DMD: variants seen among roughly 807,000 people sequenced by gnomAD.
The protein encoded by DMD is mutant dystrophin.
DMD carries 63 observed loss-of-function variants against 330.1 expected under a neutral mutation model. That is an observed-to-expected ratio of 0.19 (90% CI 0.16 to 0.24). DMD has a LOEUF of 0.24. Ranked by LOEUF, DMD falls within the 10% of genes least tolerant of loss-of-function variation. The pLI is 1.00. For synonymous variants in DMD, 1,223 were observed against 959.8 expected (o/e 1.27, Z -5.07); for missense variants, 3,344 against 2,684.1 (o/e 1.25, Z -5.43).
chrX:32,139,452 C>T (rs2096742653), intron 44 of DMD, among the ~76,000 whole-genome samples: 1 of 112,257 alleles, frequency 8.9e-6, no homozygotes, highest in South Asian at 3.7e-4. Context: ...TGGCTTTTGA[C>T]ACATTTGTCA....
At chrX:31,386,845 C>T (rs2060469430) in intron 60 of DMD, among the ~76,000 whole-genome samples, 3 of 111,696 alleles carry the variant, frequency 2.7e-5, no homozygotes, top group African/African-American at 9.8e-5. Flanking sequence ...TAATAGGCTT[C>T]ATTCTAGACA....
At chrX:31,951,787 T>G (rs1293463192) in intron 45 of DMD, among the ~76,000 whole-genome samples, 1 of 111,637 alleles carries the variant, frequency 9.0e-6, no homozygotes. Flanking sequence ...ATCTACATAT[T>G]TATCAGTTCT....
intron 1 of DMD, among the ~76,000 whole-genome samples, chrX:33,109,653 G>A (rs1410577521): frequency 8.9e-6 from 1 of 111,740 alleles, no homozygotes; most frequent in Non-Finnish European, 1.9e-5. Context: ...TGGCCCACAG[G>A]CCAGACAAGT....
chrX:32,610,173 G>A (rs1025165456), intron 12 of DMD, among the ~76,000 whole-genome samples: 3 of 110,678 alleles, frequency 2.7e-5, no homozygotes, highest in African/African-American at 9.8e-5. Context: ...TTTTTCACAG[G>A]GGAATGAGAG....
intron 9 of DMD, among the ~76,000 whole-genome samples, chrX:32,653,399 A>G (rs1348125106): frequency 8.9e-6 from 1 of 111,875 alleles, no homozygotes; most frequent in Non-Finnish European, 1.9e-5. Context: ...TCCCAGCACC[A>G]TTTATTAAAT....
chrX:31,556,665 C>T (rs1247486675), intron 55 of DMD, among the ~76,000 whole-genome samples: 1 of 111,022 alleles, frequency 9.0e-6, no homozygotes, highest in African/African-American at 3.3e-5. Flanking sequence ...TCTGATGACA[C>T]TTGCTCATTT....
rs145534783 is a variant in DMD at position 31,879,566 on chromosome X, T to C, written c.6913-4193A>G. ...TTGAGAAATTACACTTTGCATATTT[T>C]AATAATGAATCATTATTATTCTGGT... is the stretch of plus-strand genomic sequence containing the variant. On this transcript the variant is annotated intron_variant, in intron 47 of 78. Transcript: ENST00000357033. Among the ~76,000 whole-genome samples, 21 of 112,463 alleles carry C rather than the reference T, an allele frequency of 1.9e-4. No individual in the cohort carries two copies. The East Asian group carries it at 5.6e-3, about 30-fold the overall frequency.
At chrX:32,830,296 GT>G (rs202164779) in intron 4 of DMD, among the ~76,000 whole-genome samples, 81 of 108,523 alleles carry the variant, frequency 7.5e-4, no homozygotes, top group South Asian at 3.2e-3. Context: ...TCTCTTTTAT[GT>G]TTTTTTTTCT....
intron 50 of DMD, among the ~76,000 whole-genome samples, chrX:31,808,919 T>C (rs1286897970): frequency 7.2e-5 from 8 of 110,775 alleles, no homozygotes; most frequent in Non-Finnish European, 7.6e-5. Flanking sequence ...GAAGAAACAA[T>C]TCCCATTCAC....
intron 45 of DMD, among the ~76,000 whole-genome samples, chrX:31,940,878 G>T (rs184802222): frequency 9.0e-6 from 1 of 111,380 alleles, no homozygotes; most frequent in Non-Finnish European, 1.9e-5. Context: ...ATGGAGTGAG[G>T]AAAGGAGATT....
intron 2 of DMD, among the ~76,000 whole-genome samples, chrX:32,948,634 C>T (rs890253546): frequency 1.6e-4 from 18 of 111,694 alleles, no homozygotes; most frequent in Non-Finnish European, 5.6e-5. Flanking sequence ...CTAAGGAGAG[C>T]GTTTGCCAAT....
At chrX:32,406,503 G>A (rs1052239653) in intron 30 of DMD, among the ~76,000 whole-genome samples, 3 of 110,517 alleles carry the variant, frequency 2.7e-5, no homozygotes, top group African/African-American at 1.0e-4. Context: ...TGGATCTATT[G>A]AGATAATCAT....
intron 42 of DMD, among the ~76,000 whole-genome samples, chrX:32,300,854 C>CGTTTAAATCTTTAATCCATCT (rs2097520605): frequency 9.2e-6 from 1 of 109,098 alleles, no homozygotes; most frequent in African/African-American, 3.3e-5. Context: ...ACCTCAAAAA[C>CGTTTAAATCTTTAATCCATCT]TGATGATCAC....
chrX:32,739,292 G>T (rs1456874067), intron 7 of DMD, among the ~76,000 whole-genome samples: 3 of 111,752 alleles, frequency 2.7e-5, no homozygotes, highest in Non-Finnish European at 3.8e-5. Context: ...CAAGAGTAGT[G>T]ATTTAAATTT....
intron 44 of DMD, among the ~76,000 whole-genome samples, chrX:31,984,047 AAAATCGGC>A (rs2095494301): frequency 8.9e-6 from 1 of 111,875 alleles, no homozygotes; most frequent in Admixed American, 9.5e-5. Context: ...AAAGTACAAA[AAAATCGGC>A]AAGTTGTACA....
At chrX:32,401,560 G>T (rs1239356291) in intron 30 of DMD, among the ~76,000 whole-genome samples, 1 of 111,415 alleles carries the variant, frequency 9.0e-6, no homozygotes, top group East Asian at 2.8e-4. Context: ...CCTTACTAGA[G>T]GCTGGGAAGG....
At chrX:32,027,185 G>C (rs112792427) in intron 44 of DMD, among the ~76,000 whole-genome samples, 3,819 of 34,303 alleles carry the variant, frequency 0.11, 83 homozygotes, top group African/African-American at 0.19. Flanking sequence ...CACACACACA[G>C]AGAGAGAGAG....
intron 44 of DMD, among the ~76,000 whole-genome samples, chrX:32,209,453 G>C (rs1353956407): frequency 9.0e-6 from 1 of 111,510 alleles, no homozygotes; most frequent in Non-Finnish European, 1.9e-5. Flanking sequence ...CTAGGGAACA[G>C]TAAGAAGGGA....
At chrX:32,974,456 T>C (rs1340398046) in intron 2 of DMD, among the ~76,000 whole-genome samples, 2 of 111,594 alleles carry the variant, frequency 1.8e-5, no homozygotes, top group Admixed American at 1.9e-4. Context: ...GTGAATAATA[T>C]CTTAATAAAG....
Sources: allele counts gnomAD v4.1 joint callset (sites outside exome capture counted in the v4.1 genomes callset), GRCh38; gene constraint gnomAD v4.1.1; transcripts MANE v1.5; gene names NCBI Gene and HGNC (gene_info 2026-07-23, HGNC 2026-07-21).